TNFRSF10D: variants seen among roughly 807,000 people sequenced by gnomAD.
TNFRSF10D encodes the protein TNF receptor superfamily member 10d.
Under a neutral mutation model 42.1 loss-of-function variants are expected in TNFRSF10D, and 28 were observed. The observed-to-expected ratio is 0.66, with a 90% CI of 0.49 to 0.91. The LOEUF (loss-of-function observed/expected upper bound fraction) is 0.91, where lower values mean the gene tolerates loss of function less well. Ranked by LOEUF, TNFRSF10D falls within the 40% of genes least tolerant of loss-of-function variation. TNFRSF10D has a pLI of 0.00. For missense variants in TNFRSF10D, 503 were observed against 486.1 expected (o/e 1.03, Z -0.33); for synonymous variants, 186 against 189.4 (o/e 0.98, Z 0.15).
chr8:23,138,499 G>A (rs550703868), intron 7 of TNFRSF10D, among the ~76,000 whole-genome samples: 1 of 152,232 alleles, frequency 6.6e-6, no homozygotes, highest in East Asian at 1.9e-4. Context: ...TTTGACTATA[G>A]GCCTGTGTAA....
intron 1 of TNFRSF10D, among the ~76,000 whole-genome samples, chr8:23,159,406 G>A (rs995217530): frequency 6.6e-6 from 1 of 152,192 alleles, no homozygotes; most frequent in Non-Finnish European, 1.5e-5. Flanking sequence ...AGGATGAGAA[G>A]TCGAGGCCAA....
intron 7 of TNFRSF10D, among the ~76,000 whole-genome samples, chr8:23,141,917 A>G (rs1316137826): frequency 3.4e-3 from 513 of 151,478 alleles, no homozygotes; most frequent in African/African-American, 0.011. Flanking sequence ...GAGATTTCTC[A>G]AAGAATTTTA....
chr8:23,156,620 A>C (rs1207169561), intron 1 of TNFRSF10D, among the ~76,000 whole-genome samples: 1 of 148,692 alleles, frequency 6.7e-6, no homozygotes, highest in Non-Finnish European at 1.5e-5. Flanking sequence ...GTTGGAGTGC[A>C]GTGGTGTAAT....
At chr8:23,156,465 TG>T (rs1442822740) in intron 1 of TNFRSF10D, among the ~76,000 whole-genome samples, 1 of 152,172 alleles carries the variant, frequency 6.6e-6, no homozygotes, top group Non-Finnish European at 1.5e-5. Flanking sequence ...CTTCTAGAGC[TG>T]GGGTCCCTCT....
chr8:23,142,512 T>C (rs115672662), intron 7 of TNFRSF10D, among the ~76,000 whole-genome samples: 4 of 152,202 alleles, frequency 2.6e-5, no homozygotes, highest in Non-Finnish European at 5.9e-5. Context: ...AACCAAATAC[T>C]GCGTGTTCTC....
In TNFRSF10D at chr8:23,135,822, G is replaced by A. The variant is rs977597320; in HGVS notation, c.*2048C>T. ...CTTCAAGGAAGGCCTCTGAGGAAGG[G>A]ACAAAGGAGCTGGGACCGGACTGGC... On this transcript the variant is annotated 3_prime_UTR_variant, in exon 9 of 9. Transcript: ENST00000312584. The A allele has an allele frequency of 4.7e-5, 21 of 443,666 alleles. No homozygotes were observed. The highest frequency in any genetic ancestry group is 1.4e-4 in the Admixed American group (6 of 41,632). 27.5% of individuals were successfully genotyped at this position (443,666 alleles called of 1,614,324 possible). A position where few individuals can be genotyped will look rare whatever the true frequency, so the allele number is the denominator to read the frequency against.
intron 2 of TNFRSF10D, among the ~76,000 whole-genome samples, chr8:23,148,993 A>G (rs761091095): frequency 1.3e-4 from 19 of 151,720 alleles, no homozygotes; most frequent in East Asian, 4.0e-4. Flanking sequence ...GATCGAGACC[A>G]TCCTGGCTAA....
intron 2 of TNFRSF10D, among the ~76,000 whole-genome samples, chr8:23,151,756 A>G (rs190960684): frequency 1.3e-5 from 2 of 151,912 alleles, no homozygotes; most frequent in Admixed American, 1.3e-4. Flanking sequence ...CAAATTCAGT[A>G]GTGTTTTTAT....
chr8:23,146,673 A>C (rs549112725), intron 4 of TNFRSF10D, among the ~76,000 whole-genome samples: 1 of 152,332 alleles, frequency 6.6e-6, no homozygotes, highest in East Asian at 1.9e-4. Flanking sequence ...AGGTTGCCTG[A>C]AAAGGTTCAA....
chr8:23,163,718 C>T, intron 1 of TNFRSF10D, 68 bp downstream of exon 1: 2 of 1,565,764 alleles, frequency 1.3e-6, no homozygotes, highest in Non-Finnish European at 1.7e-6. Context: ...CCGTGTCCCC[C>T]TCTCTCCCTG....
chr8:23,143,083 T>C (rs1327130171), intron 7 of TNFRSF10D, among the ~76,000 whole-genome samples: 1 of 152,064 alleles, frequency 6.6e-6, no homozygotes, highest in Non-Finnish European at 1.5e-5. Context: ...TTCACGCCAT[T>C]CTCCTGCCTC....
In TNFRSF10D at chr8:23,156,357, A is replaced by G. The variant is rs148357900; in HGVS notation, c.151-1378T>C. ...TACTTACCTTGGGCTCTGTTCAACTACCTGGCTCTCAGCAAGACAAAATGT... is the reference window on the plus strand; with the variant it reads ...TACTTACCTTGGGCTCTGTTCAACTGCCTGGCTCTCAGCAAGACAAAATGT... On this transcript the variant is annotated intron_variant, in intron 1 of 8. Transcript: ENST00000312584. Among the ~76,000 whole-genome samples, 827 of 151,450 alleles carry G rather than the reference A, an allele frequency of 5.5e-3. 2 individuals carry two copies. The highest frequency in any genetic ancestry group is 0.018 in the African/African-American group (728 of 40,826).
rs569872046 is a variant in TNFRSF10D at position 23,150,191 on chromosome 8, A to G, written c.257-1640T>C. Among the ~76,000 whole-genome samples, 64 of 150,208 alleles carry G rather than the reference A, an allele frequency of 4.3e-4. 1 individual carries two copies. Among genetic ancestry groups the G allele is most frequent in the African/African-American group, 1.5e-3 (59 of 39,850 alleles). On this transcript the variant is annotated intron_variant, in intron 2 of 8. Coordinates refer to ENST00000312584, the MANE Select transcript of TNFRSF10D (RefSeq NM_003840.5). Reference sequence around the variant, plus strand: ...CCTAGTGCCAGGTCAGTCCCCATGAACTCAGGCTCCAGGCCCTTCCCTGTG... The same window carrying G: ...CCTAGTGCCAGGTCAGTCCCCATGAGCTCAGGCTCCAGGCCCTTCCCTGTG...
At chr8:23,148,639 A>G in intron 2 of TNFRSF10D, 88 bp from the exon 3 acceptor site, 2 of 906,496 alleles carry the variant, frequency 2.2e-6, no homozygotes, top group African/African-American at 1.6e-5. Flanking sequence ...TTTGGCCCTC[A>G]GTGGAATCCA....
At chr8:23,156,634 T>C (rs763066279) in intron 1 of TNFRSF10D, among the ~76,000 whole-genome samples, 1 of 151,940 alleles carries the variant, frequency 6.6e-6, no homozygotes, top group Non-Finnish European at 1.5e-5. Flanking sequence ...GTGTAATCTC[T>C]GCTCACTACA....
intron 1 of TNFRSF10D, among the ~76,000 whole-genome samples, chr8:23,158,114 G>A (rs1800306028): frequency 6.6e-6 from 1 of 152,148 alleles, no homozygotes; most frequent in Non-Finnish European, 1.5e-5. Context: ...CATCTTTCAA[G>A]TTGTACTTTC....
intron 1 of TNFRSF10D, among the ~76,000 whole-genome samples, chr8:23,159,229 A>G (rs1019519938): frequency 6.6e-6 from 1 of 152,120 alleles, no homozygotes; most frequent in Admixed American, 6.6e-5. Context: ...GCAGGACTAT[A>G]CATGTGAGCC....
rs538455840 is a variant in TNFRSF10D at position 23,156,833 on chromosome 8, C to T, written c.151-1854G>A. Among the ~76,000 whole-genome samples the T allele has an allele frequency of 4.5e-4, 69 of 152,308 alleles. 1 individual carries two copies. The highest frequency in any genetic ancestry group is 1.5e-3 in the African/African-American group (64 of 41,566). The stretch of plus-strand genomic sequence containing the variant: ...CTGCCTGCCTGAGCCTCCCAAAGTA[C>T]TAGGATTACAGGCGTAAGCCACCAC... On this transcript the variant is annotated intron_variant, in intron 1 of 8. Coordinates refer to ENST00000312584, the MANE Select transcript of TNFRSF10D (RefSeq NM_003840.5).
intron 2 of TNFRSF10D, among the ~76,000 whole-genome samples, chr8:23,149,987 C>T (rs963868753): frequency 6.6e-6 from 1 of 152,194 alleles, no homozygotes; most frequent in African/African-American, 2.4e-5. Flanking sequence ...AATCATCCAA[C>T]ATGTCCCTAT....
Sources: gnomAD v4.1 joint callset for allele counts (sites outside exome capture counted in the v4.1 genomes callset) on GRCh38, gnomAD v4.1.1 for gene constraint, MANE v1.5 for transcripts, NCBI Gene and HGNC (gene_info 2026-07-23, HGNC 2026-07-21) for gene names.